Variants in PLBD1 observed in about 807,000 individuals in gnomAD.
PLBD1 encodes the protein lysosomal leucine aminopeptidase.
In PLBD1, 60 loss-of-function variants were observed where a neutral mutation model predicts 63.0. The observed-to-expected ratio is 0.95, with a 90% CI of 0.77 to 1.18. PLBD1 has a LOEUF of 1.18. PLBD1 is among the 50% of genes most tolerant of loss of function. PLBD1 has a pLI of 0.00. For synonymous variants in PLBD1, 262 were observed against 248.0 expected, an observed-to-expected ratio of 1.06 and a Z score of -0.53; for missense variants, 598 against 677.9, an observed-to-expected ratio of 0.88 and a Z score of 1.31.
intron 6 of PLBD1, among the ~76,000 whole-genome samples, chr12:14,525,725 A>ATTT (rs1565573810): frequency 6.6e-6 from 1 of 151,760 alleles, no homozygotes; most frequent in Non-Finnish European, 1.5e-5. Context: ...GCACACACAC[A>ATTT]CTTGTTTTAA....
chr12:14,561,648 G>A (rs61294222), intron 1 of PLBD1, among the ~76,000 whole-genome samples: 3,716 of 152,188 alleles, frequency 0.024, 172 homozygotes, highest in African/African-American at 0.085. Flanking sequence ...TCCGCATCCC[G>A]GGTTCAAGCA....
At chr12:14,559,224 C>T (rs1250599545) in intron 1 of PLBD1, among the ~76,000 whole-genome samples, 2 of 152,118 alleles carry the variant, frequency 1.3e-5, no homozygotes, top group East Asian at 1.9e-4. Context: ...TGTGAAAGCG[C>T]GGACTGTTTC....
intron 10 of PLBD1, 79 bp downstream of exon 10, chr12:14,506,083 A>G (rs1477973795): frequency 7.4e-6 from 7 of 950,168 alleles, no homozygotes; most frequent in South Asian, 3.7e-5. Context: ...GCTTCCTGCC[A>G]TAAAAACCTG....
chr12:14,507,918 A>G (rs1272135601), intron 8 of PLBD1, among the ~76,000 whole-genome samples: 1 of 152,216 alleles, frequency 6.6e-6, no homozygotes, highest in Non-Finnish European at 1.5e-5. Context: ...TACTGCCTAC[A>G]GAACAGTCAA....
In PLBD1 at chr12:14,564,625, A is replaced by G. The variant is rs542614878; in HGVS notation, c.115+2957T>C. ...CCTGACAGTTATATTTCTAACTAAA[A>G]ATTATGCTAAGTCTGATGAATAGAC... On this transcript the variant is annotated intron_variant, in intron 1 of 10. Transcript: ENST00000240617. Among the ~76,000 whole-genome samples the G allele has an allele frequency of 3.3e-5, 5 of 152,346 alleles. No individual in the cohort carries two copies. In the East Asian group the frequency reaches 7.7e-4, roughly 24 times the overall value.
chr12:14,565,154 T>C (rs1449555805), intron 1 of PLBD1, among the ~76,000 whole-genome samples: 1 of 152,122 alleles, frequency 6.6e-6, no homozygotes, highest in Non-Finnish European at 1.5e-5. Context: ...CCTTTACAAA[T>C]TGAAGAATAT....
chr12:14,525,722 CACA>C (rs1443225064), intron 6 of PLBD1, among the ~76,000 whole-genome samples: 6 of 18,100 alleles, frequency 3.3e-4, no homozygotes, highest in Admixed American at 2.6e-3. Context: ...CACGCACACA[CACA>C]CTTGTTTTAA....
chr12:14,509,030 G>A (rs1013462426), intron 8 of PLBD1, among the ~76,000 whole-genome samples: 1 of 150,650 alleles, frequency 6.6e-6, no homozygotes, highest in Non-Finnish European at 1.5e-5. Context: ...ATGGCTATAT[G>A]ATATCATGTA....
At chr12:14,508,671 G>A (rs1945273140) in intron 8 of PLBD1, among the ~76,000 whole-genome samples, 1 of 152,170 alleles carries the variant, frequency 6.6e-6, no homozygotes, top group South Asian at 2.1e-4. Context: ...TCGGGAGGCT[G>A]AGGCCCGAGA....
intron 4 of PLBD1, among the ~76,000 whole-genome samples, chr12:14,537,105 A>T (rs900379107): frequency 6.6e-6 from 1 of 151,962 alleles, no homozygotes; most frequent in Non-Finnish European, 1.5e-5. Context: ...AAAAAAAAAA[A>T]AAAAGTTATT....
intron 8 of PLBD1, among the ~76,000 whole-genome samples, chr12:14,510,024 A>G (rs949063006): frequency 6.6e-6 from 1 of 152,244 alleles, no homozygotes; most frequent in Non-Finnish European, 1.5e-5. Context: ...TGCATGGATT[A>G]TATGACATTA....
chr12:14,512,527 C>T (rs1197283827), intron 6 of PLBD1, among the ~76,000 whole-genome samples: 3 of 152,122 alleles, frequency 2.0e-5, no homozygotes, highest in African/African-American at 7.2e-5. Context: ...GGCATTGACA[C>T]TCTTGGTCAA....
At chr12:14,526,829 G>C (rs1164881054) in intron 6 of PLBD1, among the ~76,000 whole-genome samples, 1 of 151,970 alleles carries the variant, frequency 6.6e-6, no homozygotes, top group Non-Finnish European at 1.5e-5. Context: ...AAAATTGGCC[G>C]GGCGTGGTGG....
chr12:14,554,737 T>C (rs1040571781), intron 1 of PLBD1, among the ~76,000 whole-genome samples: 2 of 151,936 alleles, frequency 1.3e-5, no homozygotes, highest in African/African-American at 2.4e-5. Flanking sequence ...TCTGAATGCA[T>C]TGGACTCATG....
intron 2 of PLBD1, among the ~76,000 whole-genome samples, chr12:14,546,097 G>A (rs1053738099): frequency 2.3e-4 from 35 of 152,182 alleles, no homozygotes; most frequent in African/African-American, 8.4e-4. Context: ...CGAGGTTGGT[G>A]GATTGCTTGA....
chr12:14,546,266 A>G (rs951884261), intron 2 of PLBD1, among the ~76,000 whole-genome samples: 6 of 151,768 alleles, frequency 4.0e-5, no homozygotes, highest in Non-Finnish European at 5.9e-5. Context: ...TGTAGTGAGC[A>G]GAGATCATGA....
chr12:14,562,740 A>G (rs997735167), intron 1 of PLBD1, among the ~76,000 whole-genome samples: 2 of 152,224 alleles, frequency 1.3e-5, no homozygotes, highest in Non-Finnish European at 2.9e-5. Flanking sequence ...ACCTAAATGC[A>G]TAAAAATTAC....
intron 1 of PLBD1, among the ~76,000 whole-genome samples, chr12:14,555,563 A>T (rs2136932608): frequency 6.6e-6 from 1 of 152,222 alleles, no homozygotes; most frequent in Non-Finnish European, 1.5e-5. Context: ...AAAACAAAAC[A>T]AAAAGTTTTG....
rs373356789 is a variant in PLBD1, at chr12:14,561,715, C to T, written c.115+5867G>A. 5.4e-4 allele frequency among the ~76,000 whole-genome samples: 82 copies of T among 152,296 alleles called. 1 individual carries two copies. Among genetic ancestry groups the T allele is most frequent in the African/African-American group, 1.9e-3 (78 of 41,554 alleles). ...GATCACAAGCGTGCGCCACGCCACA[C>T]CTGGCTAATTTTGTATTTTTAGCAG... On this transcript the variant is annotated intron_variant, in intron 1 of 10. Transcript: ENST00000240617.
Sources: gnomAD v4.1 joint callset for allele counts (sites outside exome capture counted in the v4.1 genomes callset) on GRCh38, gnomAD v4.1.1 for gene constraint, MANE v1.5 for transcripts, NCBI Gene and HGNC (gene_info 2026-07-23, HGNC 2026-07-21) for gene names.